The following APBB2 variants were observed in gnomAD, a reference collection of about 807,000 sequenced individuals.
APBB2 encodes amyloid beta precursor protein binding family B member 2, also known as Fe65-like 1.
Under a neutral mutation model 82.5 loss-of-function variants are expected in APBB2, and 38 were observed. That is an observed-to-expected ratio of 0.46 (90% CI 0.36 to 0.60). The LOEUF (loss-of-function observed/expected upper bound fraction) is 0.60. Ranked by LOEUF, APBB2 falls within the 20% of genes least tolerant of loss-of-function variation. APBB2 has a pLI of 0.00. For missense variants in APBB2, 772 were observed against 972.3 expected (o/e 0.79, Z 2.74); for synonymous variants, 341 against 368.2 (o/e 0.93, Z 0.85).
chr4:40,922,159 G>A (rs1011176210), intron 10 of APBB2, among the ~76,000 whole-genome samples: 3 of 152,160 alleles, frequency 2.0e-5, no homozygotes, highest in Non-Finnish European at 2.9e-5. Flanking sequence ...TCATCTAACC[G>A]AACTGCTTCA....
intron 1 of APBB2, among the ~76,000 whole-genome samples, chr4:41,168,219 AAGCCTGCAGTGAG>A (rs2154050969): frequency 1.9e-5 from 1 of 52,524 alleles, no homozygotes; most frequent in East Asian, 4.0e-4. Flanking sequence ...CAGTGAGCCG[AAGCCTGCAGTGAG>A]CCGAGATCGC....
chr4:40,890,271 T>C, intron 12 of APBB2, 93 bp downstream of exon 12: 3 of 1,482,362 alleles, frequency 2.0e-6, no homozygotes. Flanking sequence ...ATGAGTTTCG[T>C]ATTCCGTGAA....
intron 1 of APBB2, among the ~76,000 whole-genome samples, chr4:41,170,884 A>G (rs1459905685): frequency 6.6e-6 from 1 of 152,228 alleles, no homozygotes; most frequent in African/African-American, 2.4e-5. Flanking sequence ...AAAATGAAAA[A>G]TTGAAAACTA....
intron 3 of APBB2, among the ~76,000 whole-genome samples, chr4:41,087,411 TA>T (rs1371803616): frequency 6.6e-6 from 1 of 152,116 alleles, no homozygotes; most frequent in Non-Finnish European, 1.5e-5. Flanking sequence ...TCTATTCAGA[TA>T]CAGAGGAACC....
intron 6 of APBB2, among the ~76,000 whole-genome samples, chr4:40,982,230 G>GA (rs370409463): frequency 0.29 from 1,701 of 5,782 alleles, 217 homozygotes; most frequent in Non-Finnish European, 0.35. Context: ...AGGAAAGAAA[G>GA]AAAGAAAGAA....
chr4:41,069,357 C>G (rs1304930922), intron 3 of APBB2, among the ~76,000 whole-genome samples: 2 of 152,124 alleles, frequency 1.3e-5, no homozygotes, highest in East Asian at 3.9e-4. Flanking sequence ...TGACTTTATA[C>G]TTGGAAAGTA....
chr4:41,085,273 T>C (rs1447851918), intron 3 of APBB2, among the ~76,000 whole-genome samples: 2 of 144,760 alleles, frequency 1.4e-5, no homozygotes, highest in African/African-American at 5.0e-5. Flanking sequence ...AAAAAAAGAC[T>C]GAAACTGCCT....
chr4:40,914,145 C>T (rs991273741), intron 10 of APBB2, among the ~76,000 whole-genome samples: 4 of 151,760 alleles, frequency 2.6e-5, no homozygotes, highest in African/African-American at 4.8e-5. Context: ...CTGAGGTGGG[C>T]GTATCACGAG....
chr4:40,857,925 C>A (rs1761807526), intron 12 of APBB2, among the ~76,000 whole-genome samples: 1 of 152,162 alleles, frequency 6.6e-6, no homozygotes, highest in Admixed American at 6.5e-5. Context: ...AATCAGATTT[C>A]AAGAGGCAGA....
chr4:40,949,224 G>A (rs1414561376), intron 6 of APBB2, among the ~76,000 whole-genome samples: 6 of 151,562 alleles, frequency 4.0e-5, no homozygotes, highest in East Asian at 1.9e-4. Context: ...AGCTGAGATC[G>A]TGCCATTGCA....
intron 10 of APBB2, among the ~76,000 whole-genome samples, chr4:40,895,491 C>A (rs1773414765): frequency 6.6e-6 from 1 of 152,252 alleles, no homozygotes; most frequent in African/African-American, 2.4e-5. Flanking sequence ...CTAGCCAGGT[C>A]TTGCCTGGCC....
At chr4:40,873,110 T>C (rs1372194956) in intron 12 of APBB2, among the ~76,000 whole-genome samples, 1 of 146,258 alleles carries the variant, frequency 6.8e-6, no homozygotes, top group Non-Finnish European at 1.5e-5. Context: ...AAAAAGATGG[T>C]ACCGTATATG....
Position 40,832,008 on chromosome 4 carries a change from T to TTATA in APBB2, c.1530-1435_1530-1432dup, listed in dbSNP as rs140267757. 0.18 allele frequency among the ~76,000 whole-genome samples: 12,933 copies of TTATA among 73,516 alleles called. 738 individuals carry two copies. Among genetic ancestry groups the TTATA allele is most frequent in the African/African-American group, 0.23 (5,787 of 25,428 alleles). 48.2% of individuals were successfully genotyped at this position (73,516 alleles called of 152,430 possible). ...CACACACACATATTTATATATTTAT[T>TTATA]TATATACACACACACACACACACAC... On this transcript the variant is annotated intron_variant, in intron 12 of 17. Coordinates refer to ENST00000508593, the MANE Select transcript of APBB2 (RefSeq NM_004307.2). This position sits in a 1 kb window ranked among gnomAD's most constrained non-coding sequence, Gnocchi z 4.8.
intron 7 of APBB2, among the ~76,000 whole-genome samples, chr4:40,936,725 A>C (rs973674258): frequency 1.3e-5 from 2 of 152,222 alleles, no homozygotes; most frequent in Admixed American, 6.5e-5. Flanking sequence ...TTTACTTTTA[A>C]AAAATAATTT....
rs753262691 is a variant in APBB2, at chr4:40,827,141, G to C, written c.1723C>G (p.Pro575Ala). The C allele has an allele frequency of 3.1e-6, 5 of 1,614,080 alleles. No homozygotes were observed. The highest frequency in any genetic ancestry group is 1.7e-4 in the Middle Eastern group (1 of 6,052). ...QERANVNLDV[P>A]LQVDFPTPKT... is the part of the protein sequence containing the mutation. ...GGTGCCACTGACTTACCTTGCAAAG[G>C]GACATCGAGGTTCACATTGGCCCTT... The change falls in exon 14 of 18, where the codon CCT (proline) becomes GCT (alanine). Residue 575 changes from proline (P) to alanine (A), a missense_variant. By Grantham distance (27) the Pro-to-Ala change is conservative. Coordinates refer to ENST00000508593, the MANE Select transcript of APBB2 (RefSeq NM_004307.2).
intron 1 of APBB2, among the ~76,000 whole-genome samples, chr4:41,185,556 T>C (rs1772674148): frequency 6.6e-6 from 1 of 152,230 alleles, no homozygotes; most frequent in Non-Finnish European, 1.5e-5. Context: ...TCATTATAAA[T>C]AGTTTATTAT....
intron 10 of APBB2, among the ~76,000 whole-genome samples, chr4:40,930,366 T>G (rs1783766700): frequency 6.6e-6 from 1 of 152,134 alleles, no homozygotes; most frequent in South Asian, 2.1e-4. Flanking sequence ...ATAAAAATTT[T>G]GGTAGGTTCA....
At position 41,000,059 on chromosome 4, in the gene APBB2, A is replaced by ATG. The variant is rs1307419146; in HGVS notation, c.835+13523_835+13524insCA. On this transcript the variant is annotated intron_variant, in intron 6 of 17. Transcript: ENST00000508593. ...TGTGTGTGTGTATGTATATGTATAT[A>ATG]TATGTGTGTATGTGTGTGTGTGTGT... is the stretch of plus-strand genomic sequence containing the variant. Among the ~76,000 whole-genome samples the ATG allele has an allele frequency of 3.8e-4, 35 of 92,968 alleles. No homozygotes were observed. In the East Asian group the frequency reaches 5.1e-3, roughly 14 times the overall value. The allele number at this position is 92,968 out of a possible 152,430, so 61.0% of individuals were successfully genotyped here.
At chr4:40,851,439 A>AG (rs1759318179) in intron 12 of APBB2, among the ~76,000 whole-genome samples, 2 of 152,288 alleles carry the variant, frequency 1.3e-5, no homozygotes, top group South Asian at 4.1e-4. Context: ...ATGAAAAACA[A>AG]AACACACCAG....
Sources: gnomAD v4.1 joint callset for allele counts (sites outside exome capture counted in the v4.1 genomes callset) on GRCh38, gnomAD v4.1.1 for gene constraint, Gnocchi (gnomAD v3.1) non-coding constraint, MANE v1.5 for transcripts, NCBI Gene and HGNC (gene_info 2026-07-23, HGNC 2026-07-21) for gene names.